SIPA1: variants seen among roughly 807,000 people sequenced by gnomAD.
SIPA1 encodes the protein signal-induced proliferation-associated protein 1.
A neutral mutation model predicts 88.1 loss-of-function variants in SIPA1; 51 were observed. That is an observed-to-expected ratio of 0.58 (90% CI 0.46 to 0.73). SIPA1 has a LOEUF of 0.73. SIPA1 is among the 30% of genes least tolerant of loss of function. The pLI is 0.00. For synonymous variants in SIPA1, 681 were observed against 664.8 expected (o/e 1.02, Z -0.37); for missense variants, 1,348 against 1,467.6 (o/e 0.92, Z 1.33).
At chr11:65,643,344 TGTG>T (rs1430067920) in intron 4 of SIPA1, among the ~76,000 whole-genome samples, 1 of 152,266 alleles carries the variant, frequency 6.6e-6, no homozygotes, top group Non-Finnish European at 1.5e-5. Context: ...TCCTCTAACA[TGTG>T]GTGCTCACAG....
Position 65,642,282 on chromosome 11 carries a change from C to T in SIPA1, c.712C>T (p.Leu238=). ...GAACTTCTTCGGGATGGACGAGTCG[C>T]TGGGCCCGGTGGCAGTGAGCCTGCG... ...HQNFFGMDES[L]GPVAVSLRRE... Residue 238 remains leucine (L), a synonymous_variant, in exon 3 of 16, where the codon CTG becomes TTG. Transcript: ENST00000534313. This position sits in a 1 kb window ranked among gnomAD's most constrained non-coding sequence, Gnocchi z 6.5. 6.4e-7 allele frequency: 1 copy of T among 1,555,826 alleles called. No individual in the cohort carries two copies. Among genetic ancestry groups the T allele is most frequent in the Non-Finnish European group, 8.7e-7 (1 of 1,151,296 alleles).
chr11:65,648,093 G>A (rs1244357536), intron 9 of SIPA1, among the ~76,000 whole-genome samples: 2 of 151,980 alleles, frequency 1.3e-5, no homozygotes, highest in Non-Finnish European at 2.9e-5. Context: ...GGCTGGTCTC[G>A]AACTCCTGAC....
intron 5 of SIPA1, 28 bp downstream of exon 5, chr11:65,645,157 A>G: frequency 6.2e-7 from 1 of 1,605,294 alleles, no homozygotes; most frequent in Non-Finnish European, 8.5e-7. Context: ...GAGGGGTGGG[A>G]GCAGATCTGT....
In SIPA1 at chr11:65,641,143, C is replaced by T; in HGVS notation, c.222C>T (p.Ser74=). ...CCAGCCCCCGTGCCCGTGCCCACAG[C>T]CACGAAGAGGCCAGCCGACCTGCAG... ...TPASPRARAH[S]HEEASRPAAT... Residue 74 remains serine (S), a synonymous_variant, in exon 2 of 16, where the codon AGC becomes AGT. Transcript: ENST00000534313. 1.2e-6 allele frequency: 2 copies of T among 1,604,720 alleles called. No homozygotes were observed. Among genetic ancestry groups the T allele is most frequent in the South Asian group, 2.2e-5 (2 of 91,056 alleles).
At chr11:65,645,999 ATGGAGGGCCC>A (rs1239850567) in intron 6 of SIPA1, 42 bp downstream of exon 6, 2 of 1,477,426 alleles carry the variant, frequency 1.4e-6, no homozygotes, top group East Asian at 2.3e-5. Context: ...TCCGGGAACC[ATGGAGGGCCC>A]TGCATGGCCC....
Position 65,642,317 on chromosome 11 carries a change from G to C in SIPA1, c.747G>C (p.Glu249Asp). ...GPVAVSLRRE[E>D]KEGSGGGTLH... ...TGGCAGTGAGCCTGCGGCGGGAGGAGAAGGAGGGCAGCGGAGGGGGCACCC... is the reference window on the plus strand; with the variant it reads ...TGGCAGTGAGCCTGCGGCGGGAGGACAAGGAGGGCAGCGGAGGGGGCACCC... Residue 249 changes from glutamate to aspartate, a missense_variant, in exon 3 of 16, where the codon GAG becomes GAC. Glu to Asp is a conservative substitution (Grantham distance 45). Around this residue, in one of 4 missense-constraint regions of SIPA1, gnomAD observed 641 missense variants for 797.7 expected, o/e 0.80. Coordinates refer to ENST00000534313, the MANE Select transcript of SIPA1 (RefSeq NM_006747.4). The surrounding 1 kb of genome is among the most constrained non-coding windows in gnomAD (Gnocchi z 6.5). 1 of 1,549,208 alleles carries C rather than the reference G, an allele frequency of 6.5e-7. No individual in the cohort carries two copies. The highest frequency in any genetic ancestry group is 1.4e-5 in the African/African-American group (1 of 72,954).
Position 65,646,876 on chromosome 11 carries a change from G to A in SIPA1, c.1842G>A (p.Ser614=). ...AGGTGCCCTGCCTGCTGGGCATCTC[G>A]GCCGAGGCTCTGGTGCTGGTGGCGC... is the stretch of plus-strand genomic sequence containing the variant. The part of the protein sequence containing the change: ...GIEVPCLLGI[S]AEALVLVAPR... Residue 614 remains serine, a synonymous_variant, in exon 8 of 16, where the codon TCG becomes TCA. Coordinates refer to ENST00000534313, the MANE Select transcript of SIPA1 (RefSeq NM_006747.4). The surrounding 1 kb of genome is among the most constrained non-coding windows in gnomAD (Gnocchi z 7.5). The A allele has an allele frequency of 6.7e-7, 1 of 1,498,274 alleles. No individual in the cohort carries two copies. Among genetic ancestry groups the A allele is most frequent in the Non-Finnish European group, 8.9e-7 (1 of 1,127,508 alleles). The allele number at this position is 1,498,274 out of a possible 1,614,324, so 92.8% of individuals were successfully genotyped here.
In SIPA1 at chr11:65,647,153, C is replaced by T. The variant is rs1856140328; in HGVS notation, c.2031+88C>T. On this transcript the variant is annotated intron_variant, in intron 8 of 15. Transcript: ENST00000534313. ...TCCCTCCCGCCGCCTTTGTCCCCTA[C>T]TCCTGCGGAAGGGAAAGTCGAGGAG... The T allele has an allele frequency of 6.4e-6, 9 of 1,416,372 alleles. 1 individual carries two copies. Among genetic ancestry groups the T allele is most frequent in the African/African-American group, 1.5e-5 (1 of 68,122 alleles). The allele number at this position is 1,416,372 out of a possible 1,614,324, so 87.7% of individuals were successfully genotyped here.
chr11:65,639,499 G>T (rs923321568), intron 1 of SIPA1, among the ~76,000 whole-genome samples: 1 of 152,194 alleles, frequency 6.6e-6, no homozygotes, highest in Non-Finnish European at 1.5e-5. Context: ...CACCTGGGCT[G>T]GGGAGCCGAC....
Position 65,642,552 on chromosome 11 carries a change from G to A in SIPA1, c.897G>A (p.Val299=), listed in dbSNP as rs753288752. ...CCCCAAGGAAACTTCTGGAGCACGT[G>A]GCGCCGCAGCTGAGCCCCAGCTGCC... ...GLSPRKLLEH[V]APQLSPSCLR... The change falls in exon 4 of 16, where the codon GTG becomes GTA. Residue 299 remains valine, a synonymous_variant. Transcript: ENST00000534313. This position sits in a 1 kb window ranked among gnomAD's most constrained non-coding sequence, Gnocchi z 6.5. The A allele has an allele frequency of 1.7e-5, 27 of 1,603,982 alleles. No homozygotes were observed. The highest frequency in any genetic ancestry group is 2.1e-5 in the Non-Finnish European group (25 of 1,178,708).
At chr11:65,639,500 GGGAGCCGAC>G (rs1476815793) in intron 1 of SIPA1, among the ~76,000 whole-genome samples, 1 of 152,200 alleles carries the variant, frequency 6.6e-6, no homozygotes, top group African/African-American at 2.4e-5. Flanking sequence ...ACCTGGGCTG[GGGAGCCGAC>G]TCTTGCTTGG....
intron 9 of SIPA1, 70 bp downstream of exon 9, chr11:65,647,728 G>A: frequency 8.2e-7 from 1 of 1,216,436 alleles, no homozygotes; most frequent in Non-Finnish European, 1.0e-6. Flanking sequence ...GCGCCTCCCG[G>A]GTCGCCATCA....
intron 6 of SIPA1, 26 bp downstream of exon 6, chr11:65,645,983 G>C (rs1450995148): frequency 6.5e-7 from 1 of 1,545,386 alleles, no homozygotes; most frequent in Non-Finnish European, 8.9e-7. Flanking sequence ...ACGTGGGGGT[G>C]GGGCTTCCGG....
chr11:65,642,427 G>C lies in SIPA1; in HGVS notation c.808-36G>C. 6.2e-7 allele frequency: 1 copy of C among 1,604,122 alleles called. No homozygotes were observed. On this transcript the variant is annotated intron_variant, in intron 3 of 15. Coordinates refer to ENST00000534313, the MANE Select transcript of SIPA1 (RefSeq NM_006747.4). This position sits in a 1 kb window ranked among gnomAD's most constrained non-coding sequence, Gnocchi z 6.5. ...ACGTGGGTTGCCTCCCCGACACCTT[G>C]TATGCATCCTGAGTGCCCTTACACC...
In SIPA1 at chr11:65,650,558, C is replaced by G; in HGVS notation, c.2983-11C>G. The stretch of plus-strand genomic sequence containing the variant: ...CTGGCGGCTCTGACTCCTGTCTCCC[C>G]GGCACCCCAGGAGAAGGCGGACAGG... On this transcript the variant is annotated splice_polypyrimidine_tract_variant and intron_variant, in intron 15 of 15. Coordinates refer to ENST00000534313, the MANE Select transcript of SIPA1 (RefSeq NM_006747.4). The G allele has an allele frequency of 6.2e-7, 1 of 1,608,218 alleles. No individual in the cohort carries two copies. The highest frequency in any genetic ancestry group is 8.5e-7 in the Non-Finnish European group (1 of 1,177,096).
chr11:65,641,433 G>A lies in SIPA1; in HGVS notation c.512G>A (p.Gly171Asp). ...GAPGFVCELG[G>D]EGELGLGGPA... is the part of the protein sequence containing the mutation. ...CCTGGCTTTGTGTGTGAGCTCGGGG[G>A]TGAGGGTGAGCTAGGCCTGGGTGGA... The change falls in exon 2 of 16, where the codon GGT (glycine) becomes GAT (aspartate). Residue 171 changes from glycine to aspartate, a missense_variant. Physicochemically the swap from Gly to Asp is moderately conservative, Grantham distance 94. Transcript: ENST00000534313. 6.2e-7 allele frequency: 1 copy of A among 1,612,780 alleles called. No individual in the cohort carries two copies. Among genetic ancestry groups the A allele is most frequent in the Non-Finnish European group, 8.5e-7 (1 of 1,180,008 alleles).
chr11:65,649,647 C>G lies in SIPA1; in HGVS notation c.2612C>G (p.Ala871Gly). The stretch of plus-strand genomic sequence containing the variant: ...ACAGCCAAGCCATCAGTACCCAGTG[C>G]TGACAGTGAGACACCCCTGACCCAG... ...ATTAKPSVPS[A>G]DSETPLTQDR... Residue 871 changes from alanine (A) to glycine (G), a missense_variant, in exon 11 of 16, where the codon GCT becomes GGT. By Grantham distance (60) the Ala-to-Gly change is moderately conservative. Transcript: ENST00000534313. The G allele has an allele frequency of 6.2e-7, 1 of 1,614,080 alleles. No individual in the cohort carries two copies. Among genetic ancestry groups the G allele is most frequent in the Non-Finnish European group, 8.5e-7 (1 of 1,180,030 alleles).
rs929493827 is a variant in SIPA1, at chr11:65,647,761, G to T, written c.2306+103G>T. 1.1e-5 allele frequency: 10 copies of T among 925,812 alleles called. No homozygotes were observed. In the African/African-American group the frequency reaches 1.4e-4, roughly 13 times the overall value. 57.3% of individuals were successfully genotyped at this position (925,812 alleles called of 1,614,324 possible). On this transcript the variant is annotated intron_variant, in intron 9 of 15. Transcript: ENST00000534313. Reference sequence around the variant, plus strand: ...TCAGCAGTTTCAGGAACCCAGTGTGGATACCTTTCCTTCTGGAAAGAATCT... The same window carrying T: ...TCAGCAGTTTCAGGAACCCAGTGTGTATACCTTTCCTTCTGGAAAGAATCT...
chr11:65,646,347 C>G lies in SIPA1; in HGVS notation c.1390C>G (p.His464Asp). Residue 464 changes from histidine to aspartate, a missense_variant, in exon 7 of 16, where the codon CAC becomes GAC. Transcript: ENST00000534313. This position sits in a 1 kb window ranked among gnomAD's most constrained non-coding sequence, Gnocchi z 7.5. ...FQHVFLVVRA[H>D]TPCTPHTTYR... is the part of the protein sequence containing the mutation. ...GCACGTGTTCCTAGTGGTGCGGGCA[C>G]ACACACCCTGCACGCCACACACCAC... 6.2e-7 allele frequency: 1 copy of G among 1,613,196 alleles called. No individual in the cohort carries two copies. Among genetic ancestry groups the G allele is most frequent in the Admixed American group, 1.7e-5 (1 of 60,026 alleles).
Sources: gnomAD v4.1 joint callset for allele counts (sites outside exome capture counted in the v4.1 genomes callset) on GRCh38, gnomAD v4.1.1 for gene constraint, gnomAD v4.1.1 regional missense constraint, Gnocchi (gnomAD v3.1) non-coding constraint, MANE v1.5 for transcripts, NCBI Gene and HGNC (gene_info 2026-07-23, HGNC 2026-07-21) for gene names.